The following DCC variants were observed in gnomAD, a reference collection of about 807,000 sequenced individuals.
DCC encodes DCC netrin 1 receptor, also known as netrin receptor DCC.
Under a neutral mutation model 172.5 loss-of-function variants are expected in DCC, and 58 were observed. The observed-to-expected ratio is 0.34, with a 90% CI of 0.27 to 0.42. DCC has a LOEUF of 0.42. Ranked by LOEUF, DCC falls within the 10% of genes least tolerant of loss-of-function variation. The probability of loss-of-function intolerance (pLI) is 1.00; values close to 1 mark genes in which losing one functional copy is unlikely to be tolerated. For synonymous variants in DCC, 709 were observed against 644.5 expected, an observed-to-expected ratio of 1.10 and a Z score of -1.52; for missense variants, 1,740 against 1,791.0, an observed-to-expected ratio of 0.97 and a Z score of 0.51.
intron 13 of DCC, among the ~76,000 whole-genome samples, chr18:53,310,276 C>T (rs909572316): frequency 2.7e-4 from 41 of 152,018 alleles, no homozygotes; most frequent in African/African-American, 9.4e-4. Flanking sequence ...ATTGATTTTC[C>T]ATATAAATCT....
intron 1 of DCC, among the ~76,000 whole-genome samples, chr18:52,716,686 G>A (rs899999211): frequency 2.0e-5 from 3 of 152,164 alleles, no homozygotes; most frequent in Non-Finnish European, 4.4e-5. Flanking sequence ...CTGGACTGTC[G>A]TGGAAAAATA....
At chr18:52,999,156 G>T (rs1414246534) in intron 5 of DCC, among the ~76,000 whole-genome samples, 1 of 152,000 alleles carries the variant, frequency 6.6e-6, no homozygotes, top group African/African-American at 2.4e-5. Context: ...CTAAAGAGCT[G>T]TTGGACCAAT....
intron 15 of DCC, among the ~76,000 whole-genome samples, chr18:53,349,959 A>G (rs2057769929): frequency 6.6e-6 from 1 of 152,210 alleles, no homozygotes; most frequent in Non-Finnish European, 1.5e-5. Context: ...AATTTTAAAA[A>G]ACTGAATTTG....
At chr18:53,097,686 T>A (rs1185454642) in intron 7 of DCC, among the ~76,000 whole-genome samples, 1 of 152,118 alleles carries the variant, frequency 6.6e-6, no homozygotes, top group African/African-American at 2.4e-5. Flanking sequence ...TGCTCACAGT[T>A]CTGGAGGTTA....
At chr18:53,375,178 AACAGGG>A (rs1396317881) in intron 15 of DCC, among the ~76,000 whole-genome samples, 9 of 152,188 alleles carry the variant, frequency 5.9e-5, no homozygotes, top group Non-Finnish European at 1.0e-4. Context: ...AGTGCTCATA[AACAGGG>A]ACTCAGGTTC....
intron 11 of DCC, 62 bp from the exon 12 acceptor site, chr18:53,215,486 A>C (rs1273408931): frequency 8.1e-7 from 1 of 1,235,912 alleles, no homozygotes; most frequent in Non-Finnish European, 1.2e-6. Flanking sequence ...TTTACTAGAC[A>C]GGTGGTATTT....
At chr18:53,096,799 T>C (rs1034943045) in intron 7 of DCC, among the ~76,000 whole-genome samples, 4 of 152,184 alleles carry the variant, frequency 2.6e-5, no homozygotes, top group Admixed American at 1.3e-4. Context: ...TGTGATATGA[T>C]AATTATTATT....
intron 1 of DCC, among the ~76,000 whole-genome samples, chr18:52,737,547 A>G (rs1216048067): frequency 6.6e-6 from 1 of 152,144 alleles, no homozygotes; most frequent in Admixed American, 6.6e-5. Context: ...CATGTGTTTT[A>G]TGTTTCATAG....
chr18:53,460,274 G>GTTTTT lies in DCC; in HGVS notation c.3619+841_3619+845dup, dbSNP rs766940670. ...TGTGATTATAGAATGAGGAGCTCCT[G>GTTTTT]TTTTTTTTTTTTTTTTTTTTTTTTT... is the stretch of plus-strand genomic sequence containing the variant. On this transcript the variant is annotated intron_variant, in intron 24 of 28. Coordinates refer to ENST00000442544, the MANE Select transcript of DCC (RefSeq NM_005215.4). Among the ~76,000 whole-genome samples the GTTTTT allele has an allele frequency of 3.7e-5, 3 of 81,088 alleles. 1 individual carries two copies. The highest frequency in any genetic ancestry group is 6.7e-5 in the Non-Finnish European group (3 of 44,604). The allele number at this position is 81,088 out of a possible 152,430, so 53.2% of individuals were successfully genotyped here. A position where few individuals can be genotyped will look rare whatever the true frequency, so the allele number is the denominator to read the frequency against.
intron 2 of DCC, among the ~76,000 whole-genome samples, chr18:52,763,092 A>T (rs2037189255): frequency 1.3e-5 from 2 of 152,114 alleles, no homozygotes; most frequent in African/African-American, 4.8e-5. Flanking sequence ...TTGATTTATA[A>T]CTCCTGTTCT....
chr18:52,497,167 A>T (rs1000453301), intron 1 of DCC, among the ~76,000 whole-genome samples: 3 of 150,284 alleles, frequency 2.0e-5, no homozygotes, highest in Non-Finnish European at 4.4e-5. Context: ...AAGCTGAGGC[A>T]GGAGGAGCTC....
At chr18:52,450,979 A>G (rs1261880977) in intron 1 of DCC, among the ~76,000 whole-genome samples, 1 of 152,240 alleles carries the variant, frequency 6.6e-6, no homozygotes, top group African/African-American at 2.4e-5. Context: ...TTTTGAAGTC[A>G]ATTTCTTAAG....
intron 2 of DCC, among the ~76,000 whole-genome samples, chr18:52,835,700 G>T (rs902227122): frequency 1.3e-5 from 2 of 152,088 alleles, no homozygotes; most frequent in African/African-American, 4.8e-5. Context: ...TATATAATGT[G>T]TATTTTAAGG....
intron 12 of DCC, among the ~76,000 whole-genome samples, chr18:53,218,479 C>T (rs914892483): frequency 1.1e-4 from 16 of 151,960 alleles, no homozygotes; most frequent in Non-Finnish European, 1.8e-4. Context: ...AAACTAAGAA[C>T]AAAATTCTCT....
intron 1 of DCC, among the ~76,000 whole-genome samples, chr18:52,683,631 T>C (rs999298830): frequency 6.6e-6 from 1 of 152,212 alleles, no homozygotes; most frequent in South Asian, 2.1e-4. Context: ...GGTCTCAGGT[T>C]CTGAATCTCT....
chr18:53,340,982 C>T (rs555587553), intron 15 of DCC, among the ~76,000 whole-genome samples: 1 of 152,186 alleles, frequency 6.6e-6, no homozygotes, highest in Non-Finnish European at 1.5e-5. Flanking sequence ...CTGACCCATT[C>T]TCTCTATAAT....
chr18:53,511,987 C>T (rs2046261323), intron 27 of DCC, among the ~76,000 whole-genome samples: 5 of 152,186 alleles, frequency 3.3e-5, no homozygotes. Flanking sequence ...GCCTGCCTGC[C>T]TCTGTAGGCT....
intron 2 of DCC, among the ~76,000 whole-genome samples, chr18:52,840,724 G>A (rs191540454): frequency 2.4e-4 from 36 of 152,230 alleles, no homozygotes; most frequent in Admixed American, 2.2e-3. Flanking sequence ...TAGAACAATT[G>A]GAGGCTAAAA....
At chr18:52,582,744 G>A (rs1171991294) in intron 1 of DCC, among the ~76,000 whole-genome samples, 1 of 152,148 alleles carries the variant, frequency 6.6e-6, no homozygotes. Flanking sequence ...CCTCAAATGG[G>A]AATACTCTCT....
Sources: allele counts gnomAD v4.1 joint callset (sites outside exome capture counted in the v4.1 genomes callset), GRCh38; gene constraint gnomAD v4.1.1; transcripts MANE v1.5; gene names NCBI Gene and HGNC (gene_info 2026-07-23, HGNC 2026-07-21).